Variants in TRIO observed in about 807,000 individuals in gnomAD.
The protein encoded by TRIO is trio Rho guanine nucleotide exchange factor, also known as triple functional domain protein.
TRIO carries 58 observed loss-of-function variants against 351.9 expected under a neutral mutation model. That is an observed-to-expected ratio of 0.16 (90% confidence interval 0.13 to 0.21). The LOEUF is 0.21. Ranked by LOEUF, TRIO falls within the 10% of genes least tolerant of loss-of-function variation. TRIO has a pLI of 1.00. For synonymous variants in TRIO, 1,758 were observed against 1,595.7 expected, an observed-to-expected ratio of 1.10 and a Z score of -2.42; for missense variants, 3,201 against 4,027.8, an observed-to-expected ratio of 0.79 and a Z score of 5.56.
At chr5:14,443,328 C>T (rs748665027) in intron 34 of TRIO, among the ~76,000 whole-genome samples, 2 of 151,958 alleles carry the variant, frequency 1.3e-5, no homozygotes, top group East Asian at 1.9e-4. Flanking sequence ...CGTGCATATG[C>T]GTGTGTGTGT....
At position 14,443,989 on chromosome 5, in the gene TRIO, A is replaced by G. The variant is rs1308369551; in HGVS notation, c.5204-17030A>G. Among the ~76,000 whole-genome samples the G allele has an allele frequency of 3.3e-5, 5 of 152,230 alleles. 1 individual carries two copies. Among genetic ancestry groups the G allele is most frequent in the East Asian group, 1.9e-4 (1 of 5,202 alleles). ...CGTATTCCCCTGACTCAAGCTCAGG[A>G]AAAACATAATCTGGTGACTCTCCTT... On this transcript the variant is annotated intron_variant, in intron 34 of 56. Transcript: ENST00000344204.
intron 11 of TRIO, among the ~76,000 whole-genome samples, chr5:14,343,220 C>T (rs1742106648): frequency 6.6e-6 from 1 of 152,212 alleles, no homozygotes; most frequent in African/African-American, 2.4e-5. Context: ...TGCTGCAGCC[C>T]TCAAGGCTTA....
chr5:14,221,428 T>A (rs1275881881), intron 1 of TRIO, among the ~76,000 whole-genome samples: 1 of 152,200 alleles, frequency 6.6e-6, no homozygotes, highest in Non-Finnish European at 1.5e-5. Flanking sequence ...GTAGCTGCCA[T>A]AGATAGTGAT....
chr5:14,145,024 C>G (rs556798051), intron 1 of TRIO, among the ~76,000 whole-genome samples: 1 of 152,000 alleles, frequency 6.6e-6, no homozygotes, highest in Admixed American at 6.5e-5. Context: ...CGGGCCAGGT[C>G]CGGGCCTGGA....
intron 1 of TRIO, among the ~76,000 whole-genome samples, chr5:14,187,147 C>A (rs1307648211): frequency 6.6e-6 from 1 of 152,168 alleles, no homozygotes; most frequent in Non-Finnish European, 1.5e-5. Context: ...CGGTTCTGGT[C>A]TCTCTTACGT....
intron 37 of TRIO, among the ~76,000 whole-genome samples, chr5:14,470,479 G>C (rs546853284): frequency 7.2e-5 from 11 of 152,282 alleles, no homozygotes; most frequent in East Asian, 3.9e-4. Flanking sequence ...TATGTGTTCT[G>C]TGAATCCAGG....
rs1756015332 is a variant in TRIO, at chr5:14,487,490, A to T, written c.6862A>T (p.Arg2288Trp). 9.2e-7 allele frequency: 1 copy of T among 1,085,276 alleles called. No homozygotes were observed. Among genetic ancestry groups the T allele is most frequent in the Non-Finnish European group, 1.1e-6 (1 of 877,500 alleles). 67.2% of individuals were successfully genotyped at this position (1,085,276 alleles called of 1,614,324 possible). Residue 2288 changes from arginine (R) to tryptophan (W), a missense_variant, in exon 48 of 57, where the codon AGG becomes TGG. By Grantham distance (101) the Arg-to-Trp change is moderately radical. Around this residue, in one of 19 missense-constraint regions of TRIO, gnomAD observed 1,089 missense variants for 954.9 expected, o/e 1.14. Coordinates refer to ENST00000344204, the MANE Select transcript of TRIO (RefSeq NM_007118.4). ...NALTSPIEYQ[R>W]NHSGGGGGGG... ...CTTGACATCGCCAATCGAGTACCAG[A>T]GGAACCACAGCGGGGGCGGCGGCGG...
At chr5:14,187,341 G>A (rs1413338347) in intron 1 of TRIO, among the ~76,000 whole-genome samples, 1 of 152,172 alleles carries the variant, frequency 6.6e-6, no homozygotes. Flanking sequence ...GATGGTTTTT[G>A]TTGTTTTGTT....
At chr5:14,340,735 A>G (rs548406513) in intron 11 of TRIO, among the ~76,000 whole-genome samples, 2 of 152,312 alleles carry the variant, frequency 1.3e-5, no homozygotes, top group South Asian at 4.1e-4. Context: ...AGTCTTGTTG[A>G]AGACCAGGCT....
At chr5:14,361,618 G>A (rs532707610) in intron 13 of TRIO, among the ~76,000 whole-genome samples, 1 of 152,118 alleles carries the variant, frequency 6.6e-6, no homozygotes, top group East Asian at 1.9e-4. Context: ...TCTGTTACCC[G>A]GTTAATTTAT....
At chr5:14,305,064 T>C (rs1163574689) in intron 8 of TRIO, among the ~76,000 whole-genome samples, 1 of 152,244 alleles carries the variant, frequency 6.6e-6, no homozygotes, top group East Asian at 1.9e-4. Flanking sequence ...CCCTGTTTTA[T>C]TTTCTGCCAC....
rs953502155 is a variant in TRIO, at chr5:14,388,480, A to G, written c.3882-133A>G. On this transcript the variant is annotated intron_variant, in intron 23 of 56. Coordinates refer to ENST00000344204, the MANE Select transcript of TRIO (RefSeq NM_007118.4). ...GCGGGTGGATACTGTTCTATTTGTG[A>G]TTCACCTCTCCAAAATGATCAATCT... 4.7e-6 allele frequency: 4 copies of G among 844,678 alleles called. No individual in the cohort carries two copies. In the African/African-American group the frequency reaches 5.1e-5, roughly 11 times the overall value. The allele number at this position is 844,678 out of a possible 1,614,324, so 52.3% of individuals were successfully genotyped here.
At chr5:14,149,234 T>C (rs927291859) in intron 1 of TRIO, among the ~76,000 whole-genome samples, 3 of 152,190 alleles carry the variant, frequency 2.0e-5, no homozygotes, top group African/African-American at 7.2e-5. Flanking sequence ...AGCTCCCTGC[T>C]AGTTCGTAAA....
At position 14,509,557 on chromosome 5, in the gene TRIO, G is replaced by A. The variant is rs1170411663; in HGVS notation, c.*1135G>A. Reference sequence around the variant, plus strand: ...AATTTATTATGCTATTATTCAGAATGCCAAAGTATTATTTTTTTTCCCAAA... The same window carrying A: ...AATTTATTATGCTATTATTCAGAATACCAAAGTATTATTTTTTTTCCCAAA... On this transcript the variant is annotated 3_prime_UTR_variant, in exon 57 of 57. Coordinates refer to ENST00000344204, the MANE Select transcript of TRIO (RefSeq NM_007118.4). 1.2e-5 allele frequency: 4 copies of A among 324,812 alleles called. No homozygotes were observed. Among genetic ancestry groups the A allele is most frequent in the African/African-American group, 6.8e-5 (3 of 44,244 alleles). The allele number at this position is 324,812 out of a possible 1,614,324, so 20.1% of individuals were successfully genotyped here.
intron 34 of TRIO, among the ~76,000 whole-genome samples, chr5:14,449,438 G>A (rs1752679565): frequency 6.6e-6 from 1 of 152,196 alleles, no homozygotes; most frequent in Non-Finnish European, 1.5e-5. Context: ...TGGTGATGAG[G>A]CCATTTTCTT....
chr5:14,392,739 T>G (rs1289538224), intron 27 of TRIO, among the ~76,000 whole-genome samples: 1 of 152,154 alleles, frequency 6.6e-6, no homozygotes. Flanking sequence ...TGGAATACTA[T>G]GCAATCATAA....
At chr5:14,456,438 G>A (rs1456781780) in intron 34 of TRIO, among the ~76,000 whole-genome samples, 3 of 152,378 alleles carry the variant, frequency 2.0e-5, no homozygotes, top group East Asian at 1.9e-4. Context: ...ATCATGAGCC[G>A]ATTACACAGG....
intron 1 of TRIO, among the ~76,000 whole-genome samples, chr5:14,155,186 G>C (rs1044603032): frequency 8.5e-5 from 13 of 152,152 alleles, no homozygotes; most frequent in African/African-American, 7.2e-5. Context: ...AACAGCTTCA[G>C]ATCCCCAGTT....
intron 2 of TRIO, 105 bp from the exon 3 acceptor site, chr5:14,280,217 T>G: frequency 9.5e-7 from 1 of 1,054,458 alleles, no homozygotes. Flanking sequence ...CCTGTGCAAA[T>G]TTGTGTAGTT....
Sources: gnomAD v4.1 joint callset for allele counts (sites outside exome capture counted in the v4.1 genomes callset) on GRCh38, gnomAD v4.1.1 for gene constraint, gnomAD v4.1.1 regional missense constraint, MANE v1.5 for transcripts, NCBI Gene and HGNC (gene_info 2026-07-23, HGNC 2026-07-21) for gene names.